The following FBXL2 variants were observed in gnomAD, a reference collection of about 807,000 sequenced individuals.
FBXL2 encodes the protein F-box and leucine rich repeat protein 2.
FBXL2 carries 38 observed loss-of-function variants against 69.2 expected under a neutral mutation model. The ratio of observed to expected loss-of-function variants is 0.55; its 90% CI spans 0.42 to 0.72. FBXL2 has a LOEUF of 0.72. Ranked by LOEUF, FBXL2 falls within the 30% of genes least tolerant of loss-of-function variation. FBXL2 has a pLI of 0.00. For missense variants in FBXL2, 354 were observed against 520.3 expected, an observed-to-expected ratio of 0.68 and a Z score of 3.11; for synonymous variants, 192 against 201.3, an observed-to-expected ratio of 0.95 and a Z score of 0.39.
chr3:33,308,825 G>A (rs2036936419), intron 2 of FBXL2, among the ~76,000 whole-genome samples: 1 of 152,090 alleles, frequency 6.6e-6, no homozygotes, highest in Non-Finnish European at 1.5e-5. Context: ...ATTTTTGATA[G>A]TTTCCTCTTA....
intron 2 of FBXL2, among the ~76,000 whole-genome samples, chr3:33,335,754 T>A (rs945022497): frequency 6.6e-6 from 1 of 152,104 alleles, no homozygotes. Context: ...GGGAAACAAA[T>A]AGCAAGATGT....
At chr3:33,393,365 TA>T (rs1428964903) in intron 12 of FBXL2, 1 of 1,613,158 alleles carries the variant, frequency 6.2e-7, no homozygotes, top group African/African-American at 1.3e-5. Context: ...TAAACCTGAT[TA>T]ATTTGGTGGA....
chr3:33,382,901 C>T (rs1236615813), intron 13 of FBXL2: 1 of 152,254 alleles, frequency 6.6e-6, no homozygotes, highest in Non-Finnish European at 1.5e-5. Context: ...CATCTACATG[C>T]GTCCTCTTAT....
chr3:33,400,216 A>G (rs1434173916), intron 12 of FBXL2: 12 of 1,602,978 alleles, frequency 7.5e-6, no homozygotes, highest in Non-Finnish European at 1.0e-5. Flanking sequence ...AGTCTTGTGT[A>G]GGAAGAGAAT....
chr3:33,410,025 C>G, the FBXL2 span, among the ~76,000 whole-genome samples: 1 of 152,222 alleles, frequency 6.6e-6, no homozygotes, highest in Non-Finnish European at 1.5e-5. Flanking sequence ...GCCATTACCC[C>G]TATTCTACCC....
intron 5 of FBXL2, among the ~76,000 whole-genome samples, chr3:33,367,690 C>CT (rs2042044110): frequency 6.6e-6 from 1 of 150,934 alleles, no homozygotes; most frequent in South Asian, 2.1e-4. Context: ...CATTGTTTTT[C>CT]TGTTTTCTAC....
downstream of FBXL2, chr3:33,389,692 C>T (rs2043680659): frequency 6.6e-6 from 1 of 152,548 alleles, no homozygotes; most frequent in Non-Finnish European, 1.5e-5. Context: ...ATCCTCTCAC[C>T]AAGGTACTCC....
chr3:33,285,613 C>T (rs1048204104), intron 1 of FBXL2, among the ~76,000 whole-genome samples: 1 of 152,216 alleles, frequency 6.6e-6, no homozygotes, highest in Non-Finnish European at 1.5e-5. Flanking sequence ...GGATGTTCTC[C>T]TGGATAATAT....
chr3:33,306,688 T>C (rs1428294287), intron 2 of FBXL2, among the ~76,000 whole-genome samples: 1 of 152,162 alleles, frequency 6.6e-6, no homozygotes, highest in Non-Finnish European at 1.5e-5. Flanking sequence ...GTTTCTTCCA[T>C]CCTTTATATT....
chr3:33,409,202 T>G, the FBXL2 span: 3 of 1,602,900 alleles, frequency 1.9e-6, no homozygotes, highest in Non-Finnish European at 2.6e-6. Flanking sequence ...CAACCTTTGC[T>G]TCTCTTCCAA....
intron 2 of FBXL2, among the ~76,000 whole-genome samples, chr3:33,347,416 T>C (rs2040524233): frequency 6.6e-6 from 1 of 152,234 alleles, no homozygotes; most frequent in Non-Finnish European, 1.5e-5. Flanking sequence ...AATCCATTCG[T>C]CTGCTGATGG....
At position 33,387,717 on chromosome 3, in the gene FBXL2, C is replaced by CTT. The variant is rs543685993; in HGVS notation, c.*2110_*2111dup. On this transcript the variant is annotated 3_prime_UTR_variant, in exon 15 of 15. Transcript: ENST00000484457. ...CCTATCATCAGTCACAGCTATTGGACTTGATGCTCAATGATCCATGGCCTC... is the reference window on the plus strand; with the variant it reads ...CCTATCATCAGTCACAGCTATTGGACTTTTGATGCTCAATGATCCATGGCCTC... 1.9e-4 allele frequency: 29 copies of CTT among 152,294 alleles called. No homozygotes were observed. In the South Asian group the frequency reaches 5.8e-3, roughly 30 times the overall value. The allele number at this position is 152,294 out of a possible 1,614,324, so 9.4% of individuals were successfully genotyped here.
At chr3:33,391,389 G>A (rs759975747), downstream of FBXL2, 1 of 152,190 alleles carries the variant, frequency 6.6e-6, no homozygotes, top group Non-Finnish European at 1.5e-5. Flanking sequence ...AGCCACCTAA[G>A]CCTGGTCCTG....
At chr3:33,287,126 A>T (rs367602858) in intron 1 of FBXL2, among the ~76,000 whole-genome samples, 2 of 152,272 alleles carry the variant, frequency 1.3e-5, no homozygotes, top group African/African-American at 4.8e-5. Flanking sequence ...TATAGACTGG[A>T]GCTGTTCCCA....
At chr3:33,362,652 T>C (rs1157874188) in intron 4 of FBXL2, among the ~76,000 whole-genome samples, 3 of 152,220 alleles carry the variant, frequency 2.0e-5, no homozygotes, top group Non-Finnish European at 4.4e-5. Flanking sequence ...CAATTCCCTG[T>C]ATACATATGT....
At chr3:33,281,731 G>A (rs1378252904) in intron 1 of FBXL2, among the ~76,000 whole-genome samples, 23 of 151,890 alleles carry the variant, frequency 1.5e-4, no homozygotes, top group African/African-American at 3.4e-4. Flanking sequence ...TTTAATGATC[G>A]CCATTCTAAC....
chr3:33,405,702 G>C (rs2044400424), downstream of FBXL2, among the ~76,000 whole-genome samples: 1 of 152,142 alleles, frequency 6.6e-6, no homozygotes, highest in South Asian at 2.1e-4. Context: ...TGAGGTTGCA[G>C]TGAACTTTGA....
the FBXL2 span, chr3:33,412,910 C>G: frequency 2.2e-6 from 2 of 890,346 alleles, no homozygotes; most frequent in Non-Finnish European, 3.8e-6. Flanking sequence ...ATGTGTTAAC[C>G]TGTAGCAGTA....
At chr3:33,326,473 T>A (rs1404935265) in intron 2 of FBXL2, among the ~76,000 whole-genome samples, 2 of 147,186 alleles carry the variant, frequency 1.4e-5, no homozygotes, top group Admixed American at 1.4e-4. Context: ...ACCACTGCAC[T>A]CCAGCCTGGG....
Sources: allele counts gnomAD v4.1 joint callset (sites outside exome capture counted in the v4.1 genomes callset), GRCh38; gene constraint gnomAD v4.1.1; transcripts MANE v1.5; gene names NCBI Gene and HGNC (gene_info 2026-07-23, HGNC 2026-07-21).